Variants in ADGRB1 observed in about 807,000 individuals in gnomAD.
The protein encoded by ADGRB1 is adhesion G protein-coupled receptor B1, also known as brain-specific angiogenesis inhibitor 1.
Under a neutral mutation model 175.7 loss-of-function variants are expected in ADGRB1, and 36 were observed. The ratio of observed to expected loss-of-function variants is 0.20; its 90% confidence interval spans 0.16 to 0.27. The LOEUF is 0.27. ADGRB1 is among the 10% of genes least tolerant of loss of function. ADGRB1 has a pLI of 1.00. For missense variants in ADGRB1, 1,731 were observed against 2,255.3 expected, an observed-to-expected ratio of 0.77 and a Z score of 4.71; for synonymous variants, 1,054 against 979.4, an observed-to-expected ratio of 1.08 and a Z score of -1.42.
At chr8:142,488,184 C>A (rs934138044) in intron 13 of ADGRB1, among the ~76,000 whole-genome samples, 180 bp from the exon 14 acceptor site, 1 of 152,170 alleles carries the variant, frequency 6.6e-6, no homozygotes, top group East Asian at 1.9e-4. Flanking sequence ...TGGACCTCAC[C>A]GAGGTTCTGG....
At chr8:142,466,563 G>A (rs1332072898) in intron 2 of ADGRB1, among the ~76,000 whole-genome samples, 3 of 152,240 alleles carry the variant, frequency 2.0e-5, no homozygotes, top group South Asian at 2.1e-4. Flanking sequence ...GTCAGGACAG[G>A]TGGGCACCTC....
In ADGRB1 at chr8:142,543,534, C is replaced by T. The variant is rs900989403; in HGVS notation, c.4450-67C>T. On this transcript the variant is annotated intron_variant, in intron 29 of 30. Coordinates refer to ENST00000517894, the MANE Select transcript of ADGRB1 (RefSeq NM_001702.3). This position sits in a 1 kb window ranked among gnomAD's most constrained non-coding sequence, Gnocchi z 4.4. ...AGCTCCCCGGCAGCCAGGGGACGGGCGGGGCAGGCAGGATGGGCCATGCCC... is the reference window on the plus strand; with the variant it reads ...AGCTCCCCGGCAGCCAGGGGACGGGTGGGGCAGGCAGGATGGGCCATGCCC... The T allele has an allele frequency of 8.2e-5, 131 of 1,591,904 alleles. No individual in the cohort carries two copies. The highest frequency in any genetic ancestry group is 9.1e-5 in the Non-Finnish European group (106 of 1,168,486).
At chr8:142,518,269 CAT>C in intron 19 of ADGRB1, 28 bp downstream of exon 19, 1 of 1,607,294 alleles carries the variant, frequency 6.2e-7, no homozygotes, top group Non-Finnish European at 8.5e-7. Flanking sequence ...GCTGGGCATG[CAT>C]GTCTGTGGCT....
chr8:142,510,966 TG>T lies in ADGRB1; in HGVS notation c.2712del (p.Trp904CysfsTer29). 8.0e-7 allele frequency: 1 copy of T among 1,242,268 alleles called. No individual in the cohort carries two copies. The highest frequency in any genetic ancestry group is 1.0e-6 in the Non-Finnish European group (1 of 971,458). The allele number at this position is 1,242,268 out of a possible 1,614,324, so 77.0% of individuals were successfully genotyped here. A position where few individuals can be genotyped will look rare whatever the true frequency, so the allele number is the denominator to read the frequency against. On this transcript the variant is annotated frameshift_variant, in exon 18 of 31. Transcript: ENST00000517894. LOFTEE classifies it high-confidence loss of function. The surrounding 1 kb of genome is among the most constrained non-coding windows in gnomAD (Gnocchi z 6.3). ...SSSAPPQLGP[W>X]SWRGCRTVPL... is the part of the protein sequence containing the mutation. Reference sequence around the variant, plus strand: ...CTCCGCCCCCCCGCAGCTCGGGCCCTGGTCGTGGCGCGGCTGCCGCACGGTG... The same window carrying T: ...CTCCGCCCCCCCGCAGCTCGGGCCCTGTCGTGGCGCGGCTGCCGCACGGTG...
intron 22 of ADGRB1, 140 bp from the exon 23 acceptor site, chr8:142,524,098 C>A: frequency 1.1e-6 from 1 of 875,526 alleles, no homozygotes; most frequent in Non-Finnish European, 1.8e-6. Flanking sequence ...GTGTGACCTG[C>A]CCTGCATGCC....
chr8:142,466,596 G>A (rs1451397402), intron 2 of ADGRB1, among the ~76,000 whole-genome samples: 5 of 152,244 alleles, frequency 3.3e-5, no homozygotes, highest in East Asian at 1.9e-4. Context: ...TGCCGCCAGC[G>A]GCTGGGTGGG....
intron 16 of ADGRB1, among the ~76,000 whole-genome samples, chr8:142,489,766 G>A (rs559756570): frequency 6.6e-6 from 1 of 152,210 alleles, no homozygotes; most frequent in South Asian, 2.1e-4. Flanking sequence ...GCCCCCTAAC[G>A]CCTGGCCACC....
rs1587320684 is a variant in ADGRB1, at chr8:142,487,093, A to C, written c.2309-1271A>C. On this transcript the variant is annotated intron_variant, in intron 13 of 30. Transcript: ENST00000517894. ...AGAAACATCAACACGACTGATTGCT[A>C]CTACTTCAATAATTCTGCCACTTTT... Among the ~76,000 whole-genome samples, 4 of 152,332 alleles carry C rather than the reference A, an allele frequency of 2.6e-5. No individual in the cohort carries two copies. In the South Asian group the frequency reaches 8.3e-4, roughly 32 times the overall value.
In ADGRB1 at chr8:142,464,822, C is replaced by T; in HGVS notation, c.624C>T (p.Ile208=). The stretch of plus-strand genomic sequence containing the variant: ...GTCGCAGCTCGCACCCCTGCGGGAT[C>T]ATGCAGACCCCCTGCGCCTGCCTGG... The part of the protein sequence containing the change: ...AGSRSSHPCG[I]MQTPCACLGG... Residue 208 remains isoleucine (I), a synonymous_variant, in exon 2 of 31, where the codon ATC becomes ATT. Transcript: ENST00000517894. 6 of 1,532,684 alleles carry T rather than the reference C, an allele frequency of 3.9e-6. No individual in the cohort carries two copies. Among genetic ancestry groups the T allele is most frequent in the Non-Finnish European group, 5.2e-6 (6 of 1,144,546 alleles). 94.9% of individuals were successfully genotyped at this position (1,532,684 alleles called of 1,614,324 possible).
Position 142,492,572 on chromosome 8 carries a change from G to C in ADGRB1, c.2675+1757G>C, listed in dbSNP as rs1842032740. On this transcript the variant is annotated intron_variant, in intron 17 of 30. Transcript: ENST00000517894. The surrounding 1 kb of genome is among the most constrained non-coding windows in gnomAD (Gnocchi z 4.4). ...AGCGTCGCAGGGGAAGGAGCAGCCG[G>C]GGCAAAGGCCTCAAGGTGGGATTGG... Among the ~76,000 whole-genome samples, 1 of 152,108 alleles carries C rather than the reference G, an allele frequency of 6.6e-6. No individual in the cohort carries two copies. Among genetic ancestry groups the C allele is most frequent in the South Asian group, 2.1e-4 (1 of 4,830 alleles).
intron 2 of ADGRB1, among the ~76,000 whole-genome samples, chr8:142,469,341 ATG>A (rs1840470898): frequency 6.9e-6 from 1 of 144,852 alleles, no homozygotes; most frequent in Non-Finnish European, 1.5e-5. Flanking sequence ...ATGTGTGTGA[ATG>A]TGGGAGTGTC....
chr8:142,482,743 CGCTG>C (rs1841428943), intron 11 of ADGRB1, among the ~76,000 whole-genome samples: 2 of 146,710 alleles, frequency 1.4e-5, no homozygotes, highest in African/African-American at 5.2e-5. Flanking sequence ...CCTGGTCACA[CGCTG>C]AGCTCTGGTC....
chr8:142,467,432 A>G (rs1323508131), intron 2 of ADGRB1, among the ~76,000 whole-genome samples: 1 of 152,176 alleles, frequency 6.6e-6, no homozygotes, highest in Admixed American at 6.5e-5. Flanking sequence ...CGACTTACTG[A>G]TGAAAGGATG....
chr8:142,480,309 C>G (rs1841265258), intron 9 of ADGRB1, among the ~76,000 whole-genome samples: 1 of 152,192 alleles, frequency 6.6e-6, no homozygotes, highest in African/African-American at 2.4e-5. Flanking sequence ...AACTCTGGTT[C>G]TGCCCTTGTT....
At chr8:142,520,369 ATGG>A (rs1365173887) in intron 19 of ADGRB1, among the ~76,000 whole-genome samples, 4 of 121,712 alleles carry the variant, frequency 3.3e-5, no homozygotes, top group Admixed American at 7.8e-5. Context: ...GATGGTGGTG[ATGG>A]TGGTGGTGGT....
Position 142,542,643 on chromosome 8 carries a change from T to G in ADGRB1, c.4409T>G (p.Leu1470Arg). 1 of 1,546,952 alleles carries G rather than the reference T, an allele frequency of 6.5e-7. No individual in the cohort carries two copies. The highest frequency in any genetic ancestry group is 8.7e-7 in the Non-Finnish European group (1 of 1,146,438). ...ENVATLSVSS[L>R]ERRKSRYAEL... ...GTCGCCACCTTGTCTGTGAGCTCCC[T>G]GGAGGTGAGGGGGGCAGGGGTGGGC... is the stretch of plus-strand genomic sequence containing the variant. The change falls in exon 28 of 31, where the codon CTG becomes CGG. Residue 1470 changes from leucine (L) to arginine (R), a missense_variant. By Grantham distance (102) the Leu-to-Arg change is moderately radical (BLOSUM62 -2). Coordinates refer to ENST00000517894, the MANE Select transcript of ADGRB1 (RefSeq NM_001702.3). The surrounding 1 kb of genome is among the most constrained non-coding windows in gnomAD (Gnocchi z 6.3).
intron 19 of ADGRB1, 91 bp downstream of exon 19, chr8:142,518,332 C>A: frequency 7.5e-7 from 1 of 1,326,570 alleles, no homozygotes; most frequent in Non-Finnish European, 1.1e-6. Flanking sequence ...GTCGTGGGTG[C>A]CCCTCCCTCC....
chr8:142,464,737 A>G lies in ADGRB1; in HGVS notation c.539A>G (p.Asn180Ser), dbSNP rs1199229009. Residue 180 changes from asparagine to serine, a missense_variant, in exon 2 of 31, where the codon AAC becomes AGC. By Grantham distance (46) the Asn-to-Ser change is conservative. Coordinates refer to ENST00000517894, the MANE Select transcript of ADGRB1 (RefSeq NM_001702.3). Reference protein sequence around the residue: ...SVEYLVVGNRNPSRAACQMLC... With the variant: ...SVEYLVVGNRSPSRAACQMLC... ...GAGTACCTGGTGGTGGGGAACCGCAACCCCAGCCGTGCCGCCTGCCAGATG... is the reference window on the plus strand; with the variant it reads ...GAGTACCTGGTGGTGGGGAACCGCAGCCCCAGCCGTGCCGCCTGCCAGATG... The G allele has an allele frequency of 7.8e-6, 12 of 1,533,448 alleles. No individual in the cohort carries two copies. Among genetic ancestry groups the G allele is most frequent in the Admixed American group, 2.0e-5 (1 of 50,774 alleles). 95.0% of individuals were successfully genotyped at this position (1,533,448 alleles called of 1,614,324 possible). A position where few individuals can be genotyped will look rare whatever the true frequency, so the allele number is the denominator to read the frequency against.
At chr8:142,494,587 C>T (rs975292590) in intron 17 of ADGRB1, among the ~76,000 whole-genome samples, 9 of 152,036 alleles carry the variant, frequency 5.9e-5, no homozygotes, top group African/African-American at 1.7e-4. Flanking sequence ...TGCCTCACCC[C>T]GGTTGTGCAG....
Sources: allele counts gnomAD v4.1 joint callset (sites outside exome capture counted in the v4.1 genomes callset), GRCh38; gene constraint gnomAD v4.1.1; non-coding constraint Gnocchi (gnomAD v3.1); transcripts MANE v1.5; gene names NCBI Gene and HGNC (gene_info 2026-07-23, HGNC 2026-07-21).